Variants in ATOSA observed in about 807,000 individuals in gnomAD.
The protein encoded by ATOSA is atos homolog protein A.
chr15:52,584,090 G>GAAAAAAAAAAAAA, the ATOSA span, among the ~76,000 whole-genome samples: 12 of 41,802 alleles, frequency 2.9e-4, no homozygotes, highest in African/African-American at 4.0e-4. Flanking sequence ...GTCTCAAGAA[G>GAAAAAAAAAAAAA]AAAAAAAAAA....
At chr15:52,597,841 T>C in the ATOSA span, among the ~76,000 whole-genome samples, 1 of 152,112 alleles carries the variant, frequency 6.6e-6, no homozygotes, top group Non-Finnish European at 1.5e-5. Flanking sequence ...TATACTAATA[T>C]TGGCTAGGCG....
chr15:52,587,357 G>T, the ATOSA span: 1 of 683,214 alleles, frequency 1.5e-6, no homozygotes. Context: ...AATTAATAGA[G>T]ATACATTCTA....
At chr15:52,676,221 A>G in the ATOSA span, among the ~76,000 whole-genome samples, 1 of 152,188 alleles carries the variant, frequency 6.6e-6, no homozygotes, top group Non-Finnish European at 1.5e-5. Flanking sequence ...ATTCATTTAT[A>G]TAGGATAGTT....
At chr15:52,620,219 G>A in the ATOSA span, among the ~76,000 whole-genome samples, 4 of 152,226 alleles carry the variant, frequency 2.6e-5, no homozygotes, top group Non-Finnish European at 5.9e-5. Flanking sequence ...ATTGCTAGAG[G>A]TGTTCAAGCA....
chr15:52,593,120 T>C, the ATOSA span, among the ~76,000 whole-genome samples: 1 of 150,798 alleles, frequency 6.6e-6, no homozygotes, highest in East Asian at 1.9e-4. Context: ...CATTCCAGCC[T>C]AGGCAAGAGA....
chr15:52,650,190 T>C, the ATOSA span, among the ~76,000 whole-genome samples: 2 of 152,196 alleles, frequency 1.3e-5, no homozygotes, highest in African/African-American at 2.4e-5. Flanking sequence ...ACTTGAGTCC[T>C]CTCTGCCTGT....
the ATOSA span, among the ~76,000 whole-genome samples, chr15:52,636,657 T>C: frequency 2.0e-5 from 3 of 152,216 alleles, no homozygotes; most frequent in Non-Finnish European, 4.4e-5. Context: ...ATTTCTGTGG[T>C]TTAAGTCACC....
the ATOSA span, among the ~76,000 whole-genome samples, chr15:52,671,917 G>A: frequency 6.6e-6 from 1 of 151,578 alleles, no homozygotes; most frequent in Non-Finnish European, 1.5e-5. Flanking sequence ...CTTTTACATG[G>A]AAAGGAAAAT....
chr15:52,611,676 G>A, the ATOSA span: 8 of 1,613,856 alleles, frequency 5.0e-6, no homozygotes, highest in African/African-American at 2.7e-5. Flanking sequence ...GCCCATCATC[G>A]CTGTAGCAGC....
chr15:52,585,128 G>A, the ATOSA span: 2 of 496,260 alleles, frequency 4.0e-6, no homozygotes, highest in Non-Finnish European at 6.8e-6. Context: ...TTTTTTAAAA[G>A]GTTCAATTTT....
chr15:52,692,422 T>C, the ATOSA span, among the ~76,000 whole-genome samples: 1 of 152,166 alleles, frequency 6.6e-6, no homozygotes, highest in Non-Finnish European at 1.5e-5. Context: ...AGTGGCGTGA[T>C]CCCTGCTTAC....
chr15:52,679,766 TCC>T, the ATOSA span, among the ~76,000 whole-genome samples: 1 of 81,182 alleles, frequency 1.2e-5, no homozygotes, highest in Non-Finnish European at 2.4e-5. Flanking sequence ...CTCCTCCTCC[TCC>T]TCCTCCTCCT....
the ATOSA span, among the ~76,000 whole-genome samples, chr15:52,669,455 G>T: frequency 6.6e-6 from 1 of 152,136 alleles, no homozygotes; most frequent in African/African-American, 2.4e-5. Context: ...AATTTAAGTA[G>T]AAATGGCCAA....
At chr15:52,685,812 A>T in the ATOSA span, among the ~76,000 whole-genome samples, 15 of 152,080 alleles carry the variant, frequency 9.9e-5, no homozygotes, top group Middle Eastern at 3.2e-3. Context: ...TGGGCAAATT[A>T]TCCTTCTGCC....
chr15:52,621,773 AC>A, the ATOSA span, among the ~76,000 whole-genome samples: 1 of 151,894 alleles, frequency 6.6e-6, no homozygotes, highest in South Asian at 2.1e-4. Flanking sequence ...AGTCCATCAA[AC>A]CTCTTTTTCT....
the ATOSA span, among the ~76,000 whole-genome samples, chr15:52,604,147 C>T: frequency 2.0e-5 from 3 of 152,162 alleles, no homozygotes; most frequent in Admixed American, 6.5e-5. Flanking sequence ...CATGGCCGGG[C>T]GCCGTGGCCC....
At chr15:52,634,540 A>AT in the ATOSA span, among the ~76,000 whole-genome samples, 59 of 147,674 alleles carry the variant, frequency 4.0e-4, 1 homozygote, top group South Asian at 6.4e-3. Context: ...GTGAGATTAG[A>AT]TTTTTTTTTT....
At chr15:52,585,744 T>C in the ATOSA span, among the ~76,000 whole-genome samples, 1 of 152,200 alleles carries the variant, frequency 6.6e-6, no homozygotes, top group Non-Finnish European at 1.5e-5. Context: ...AGTACTCGTT[T>C]TGAAACAAAA....
chr15:52,634,431 T>C, the ATOSA span, among the ~76,000 whole-genome samples: 1 of 151,598 alleles, frequency 6.6e-6, no homozygotes, highest in African/African-American at 2.4e-5. Flanking sequence ...CCAAGAAAGA[T>C]GGGACAAATA....
Sources: allele counts gnomAD v4.1 joint callset (sites outside exome capture counted in the v4.1 genomes callset), GRCh38; gene constraint gnomAD v4.1.1; transcripts MANE v1.5; gene names NCBI Gene and HGNC (gene_info 2026-07-23, HGNC 2026-07-21).